Variants in ZMPSTE24 observed in about 807,000 individuals in gnomAD.
ZMPSTE24 encodes the protein CAAX prenyl protease 1 homolog.
In ZMPSTE24, 48 loss-of-function variants were observed where a neutral mutation model predicts 56.7. The observed-to-expected ratio is 0.85, with a 90% confidence interval of 0.67 to 1.08. The LOEUF is 1.08. Among genes scored for constraint, ZMPSTE24 ranks in the 50% least tolerant of loss-of-function variants. ZMPSTE24 has a pLI of 0.00. For synonymous variants in ZMPSTE24, 172 were observed against 195.2 expected, an observed-to-expected ratio of 0.88 and a Z score of 0.99; for missense variants, 503 against 548.7, an observed-to-expected ratio of 0.92 and a Z score of 0.83.
At chr1:40,263,501 G>A (rs1643518848) in intron 2 of ZMPSTE24, among the ~76,000 whole-genome samples, 1 of 152,164 alleles carries the variant, frequency 6.6e-6, no homozygotes, top group Non-Finnish European at 1.5e-5. Flanking sequence ...TCTTTAAAAT[G>A]ACATTGAAAA....
In ZMPSTE24 at chr1:40,292,702, G is replaced by T. The variant is rs1215982461; in HGVS notation, c.*33G>T. On this transcript the variant is annotated 3_prime_UTR_variant, in exon 10 of 10. Transcript: ENST00000372759. ...AGGATCTGTGACTGAAGACATTTCT[G>T]ATTATTTCTGTCCTGGCAGCATGTT... is the stretch of plus-strand genomic sequence containing the variant. The T allele has an allele frequency of 6.3e-7, 1 of 1,590,976 alleles. No homozygotes were observed.
At chr1:40,276,702 G>A (rs1391434699) in intron 6 of ZMPSTE24, among the ~76,000 whole-genome samples, 1 of 152,184 alleles carries the variant, frequency 6.6e-6, no homozygotes, top group Non-Finnish European at 1.5e-5. Context: ...TGCGCCATTA[G>A]GCTTTTCGTT....
At chr1:40,270,349 T>C (rs1405545394) in intron 5 of ZMPSTE24, among the ~76,000 whole-genome samples, 1 of 152,192 alleles carries the variant, frequency 6.6e-6, no homozygotes, top group Non-Finnish European at 1.5e-5. Flanking sequence ...TAGAAACTAG[T>C]TGTTAGTCAC....
intron 6 of ZMPSTE24, among the ~76,000 whole-genome samples, chr1:40,273,537 A>AAAAAAAAAAAAATATATAT (rs1224234676): frequency 8.1e-5 from 1 of 12,388 alleles, no homozygotes; most frequent in African/African-American, 1.8e-4. Context: ...AAAAAAAAAA[A>AAAAAAAAAAAAATATATAT]ATATATATAT....
At chr1:40,290,363 C>T (rs768780291) in intron 8 of ZMPSTE24, among the ~76,000 whole-genome samples, 6 of 148,124 alleles carry the variant, frequency 4.1e-5, no homozygotes, top group Non-Finnish European at 7.4e-5. Flanking sequence ...CCACCCTGGG[C>T]GACAGAGTGA....
chr1:40,261,312 CTGTCAGAGTACTTATCTCATTA>C (rs1430979874), intron 2 of ZMPSTE24, among the ~76,000 whole-genome samples: 1 of 152,136 alleles, frequency 6.6e-6, no homozygotes, highest in African/African-American at 2.4e-5. Flanking sequence ...ATCATTATTC[CTGTCAGAGTACTTATCTCATTA>C]TGTTGAATTT....
chr1:40,281,301 CT>C lies in ZMPSTE24; in HGVS notation c.770-37del, dbSNP rs780488997. 37 of 1,607,932 alleles carry C rather than the reference CT, an allele frequency of 2.3e-5. 1 individual carries two copies. In the South Asian group the frequency reaches 4.0e-4, roughly 17 times the overall value. On this transcript the variant is annotated intron_variant, in intron 6 of 9. Transcript: ENST00000372759. ...AGGAGTCTCTCCAAAGGACCCCAAA[CT>C]TTTTAATTATATTCCATGCTTTGAA...
chr1:40,273,536 AAATATATATATAT>A (rs1434075882), intron 6 of ZMPSTE24, among the ~76,000 whole-genome samples: 79 of 74,338 alleles, frequency 1.1e-3, no homozygotes, highest in African/African-American at 2.4e-3. Context: ...AAAAAAAAAA[AAATATATATATAT>A]ATATATATAT....
At chr1:40,278,840 T>G (rs1465113345) in intron 6 of ZMPSTE24, among the ~76,000 whole-genome samples, 3 of 152,168 alleles carry the variant, frequency 2.0e-5, no homozygotes, top group Non-Finnish European at 4.4e-5. Context: ...TCAGGTACTG[T>G]TAGCTGCTAT....
intron 7 of ZMPSTE24, among the ~76,000 whole-genome samples, chr1:40,282,229 A>G (rs1643737847): frequency 6.6e-6 from 1 of 152,260 alleles, no homozygotes; most frequent in Admixed American, 6.5e-5. Context: ...ACAAGAAAAG[A>G]CATTTCTCAA....
At chr1:40,271,730 T>A (rs1643615949) in intron 5 of ZMPSTE24, among the ~76,000 whole-genome samples, 164 bp from the exon 6 acceptor site, 2 of 152,260 alleles carry the variant, frequency 1.3e-5, no homozygotes, top group Admixed American at 1.3e-4. Flanking sequence ...TATTATGCTC[T>A]TACTATCTGG....
chr1:40,282,813 C>T (rs947133249), intron 7 of ZMPSTE24, among the ~76,000 whole-genome samples: 1 of 152,214 alleles, frequency 6.6e-6, no homozygotes, highest in Non-Finnish European at 1.5e-5. Context: ...ATTTCCCCTA[C>T]AACCTCTACA....
chr1:40,285,643 A>G (rs1190914771), intron 7 of ZMPSTE24, among the ~76,000 whole-genome samples: 5 of 151,878 alleles, frequency 3.3e-5, no homozygotes, highest in African/African-American at 9.7e-5. Context: ...AAAGATTTCT[A>G]TTTCTTCCAG....
chr1:40,291,904 C>T (rs926251854), intron 9 of ZMPSTE24, among the ~76,000 whole-genome samples: 4 of 146,578 alleles, frequency 2.7e-5, no homozygotes, highest in African/African-American at 1.0e-4. Context: ...GCAGGGGTGT[C>T]ATCTTGGCTC....
rs533459404 is a variant in ZMPSTE24, at chr1:40,271,894, G to A, written c.628G>A (p.Val210Ile). 36 of 1,613,306 alleles carry A rather than the reference G, an allele frequency of 2.2e-5. No homozygotes were observed. Among genetic ancestry groups the A allele is most frequent in the Non-Finnish European group, 3.1e-5 (36 of 1,179,546 alleles). ...TGTTATTCTGACATTTACTTTTCAG[G>A]TTCTTGTCACAATCTATGCTGATTA... ...AWLFTLVVSL[V>I]LVTIYADYIA... The change falls in exon 6 of 10, where the codon GTT becomes ATT. Residue 210 changes from valine (V) to isoleucine (I), a missense_variant and splice_region_variant. Physicochemically the swap from Val to Ile is conservative, Grantham distance 29. Transcript: ENST00000372759.
chr1:40,274,239 T>C (rs1344632887), intron 6 of ZMPSTE24, among the ~76,000 whole-genome samples: 1 of 152,236 alleles, frequency 6.6e-6, no homozygotes, highest in Non-Finnish European at 1.5e-5. Flanking sequence ...AGCAGTTTAC[T>C]CACCTATAAT....
At chr1:40,279,778 G>A (rs745962730) in intron 6 of ZMPSTE24, among the ~76,000 whole-genome samples, 1 of 152,148 alleles carries the variant, frequency 6.6e-6, no homozygotes, top group Non-Finnish European at 1.5e-5. Context: ...GCATCTCATC[G>A]ATTTGCTGTG....
At position 40,270,135 on chromosome 1, in the gene ZMPSTE24, A is replaced by G. The variant is rs749924236; in HGVS notation, c.627+8A>G. 4 of 1,613,726 alleles carry G rather than the reference A, an allele frequency of 2.5e-6. No homozygotes were observed. In the East Asian group the frequency reaches 8.9e-5, roughly 36 times the overall value. Reference sequence around the variant, plus strand: ...ACATTAGTTGTGTCTCTGGTGAGTAAAATCTTTATTTCGTTTTCTTTTGCA... The same window carrying G: ...ACATTAGTTGTGTCTCTGGTGAGTAGAATCTTTATTTCGTTTTCTTTTGCA... On this transcript the variant is annotated splice_region_variant and intron_variant, in intron 5 of 9. Transcript: ENST00000372759.
At chr1:40,281,595 A>T in intron 7 of ZMPSTE24, 68 bp downstream of exon 7, 13 of 1,502,356 alleles carry the variant, frequency 8.7e-6, no homozygotes, top group Non-Finnish European at 1.1e-5. Context: ...AACTCAAAAT[A>T]ACATCAATTT....
Sources: gnomAD v4.1 joint callset for allele counts (sites outside exome capture counted in the v4.1 genomes callset) on GRCh38, gnomAD v4.1.1 for gene constraint, MANE v1.5 for transcripts, NCBI Gene and HGNC (gene_info 2026-07-23, HGNC 2026-07-21) for gene names.